Variants in RASGRP4 observed in about 807,000 individuals in gnomAD.
RASGRP4 encodes the protein RAS guanyl-releasing protein 4.
Under a neutral mutation model 84.4 loss-of-function variants are expected in RASGRP4, and 52 were observed. The observed-to-expected ratio is 0.62, with a 90% confidence interval of 0.49 to 0.78. The LOEUF is 0.78. Among genes scored for constraint, RASGRP4 ranks in the 30% least tolerant of loss-of-function variants. The pLI is 0.00. For missense variants in RASGRP4, 760 were observed against 886.9 expected, an observed-to-expected ratio of 0.86 and a Z score of 1.82; for synonymous variants, 356 against 359.1, an observed-to-expected ratio of 0.99 and a Z score of 0.10.
In RASGRP4 at chr19:38,409,230, C is replaced by T. The variant is rs142790326; in HGVS notation, c.*810G>A. ...GCCCTATAGCACATCTATCCTGTGC[C>T]GTGGGCATGGGTAAGGAGACATTCA... On this transcript the variant is annotated 3_prime_UTR_variant, in exon 17 of 17. Transcript: ENST00000615439. 2.4e-3 allele frequency: 443 copies of T among 181,560 alleles called. 3 individuals are homozygous for T. Among genetic ancestry groups the T allele is most frequent in the African/African-American group, 0.01 (422 of 42,192 alleles). The allele number at this position is 181,560 out of a possible 1,614,324, so 11.2% of individuals were successfully genotyped here. A position where few individuals can be genotyped will look rare whatever the true frequency, so the allele number is the denominator to read the frequency against.
chr19:38,412,526 A>T lies in RASGRP4; in HGVS notation c.1680+146T>A. 1.4e-6 allele frequency: 1 copy of T among 735,834 alleles called. No homozygotes were observed. The highest frequency in any genetic ancestry group is 2.2e-6 in the Non-Finnish European group (1 of 459,180). 45.6% of individuals were successfully genotyped at this position (735,834 alleles called of 1,614,324 possible). A position where few individuals can be genotyped will look rare whatever the true frequency, so the allele number is the denominator to read the frequency against. ...GGCATTTGGAGATTATCCAGGATAT[A>T]GGGAATGTCTGGTGTTTAGGGTTTA... On this transcript the variant is annotated intron_variant, in intron 13 of 16. Coordinates refer to ENST00000615439, the MANE Select transcript of RASGRP4 (RefSeq NM_170604.3). The surrounding 1 kb of genome is among the most constrained non-coding windows in gnomAD (Gnocchi z 4.6).
Position 38,412,486 on chromosome 19 carries a change from AT to A in RASGRP4, c.1680+185del. 8.1e-6 allele frequency: 5 copies of A among 620,744 alleles called. 1 individual carries two copies. In the South Asian group the frequency reaches 1.0e-4, roughly 13 times the overall value. 38.5% of individuals were successfully genotyped at this position (620,744 alleles called of 1,614,324 possible). A position where few individuals can be genotyped will look rare whatever the true frequency, so the allele number is the denominator to read the frequency against. On this transcript the variant is annotated intron_variant, in intron 13 of 16. Transcript: ENST00000615439. This position sits in a 1 kb window ranked among gnomAD's most constrained non-coding sequence, Gnocchi z 4.6. ...TTGTCTGGGGTGGACATTATCTGGG[AT>A]TTTGGGATTATCTGGCATTTGGAGA...
At chr19:38,423,668 C>T (rs1220064244) in intron 1 of RASGRP4, among the ~76,000 whole-genome samples, 1 of 151,602 alleles carries the variant, frequency 6.6e-6, no homozygotes, top group Non-Finnish European at 1.5e-5. Context: ...GAAACCCCAT[C>T]TCTATTAAAA....
chr19:38,410,938 C>G lies in RASGRP4; in HGVS notation c.1913G>C (p.Arg638Pro), dbSNP rs117355762. Residue 638 changes from arginine (R) to proline (P), a missense_variant, in exon 16 of 17, where the codon CGC becomes CCC. Transcript: ENST00000615439. ...SLEPETGCQL[R>P]HAWTQTESPH... ...GGATTCAGTCTGGGTCCAGGCATGG[C>G]GAAGCTGGCACCCAGTCTCAGGCTC... 3 of 1,604,844 alleles carry G rather than the reference C, an allele frequency of 1.9e-6. No individual in the cohort carries two copies. Among genetic ancestry groups the G allele is most frequent in the East Asian group, 4.5e-5 (2 of 44,530 alleles).
chr19:38,425,892 T>C lies in RASGRP4; in HGVS notation c.23+177A>G, dbSNP rs79260362. Among the ~76,000 whole-genome samples, 272 of 152,186 alleles carry C rather than the reference T, an allele frequency of 1.8e-3. 5 individuals are homozygous for C. In the East Asian group the frequency reaches 0.034, roughly 19 times the overall value. On this transcript the variant is annotated intron_variant, in intron 1 of 16. Coordinates refer to ENST00000615439, the MANE Select transcript of RASGRP4 (RefSeq NM_170604.3). ...GGGACAACACGGTACAGATGCCACA[T>C]ACAAGCGACTGCAGCCGTAGCTGGC...
rs149533488 is a variant in RASGRP4 at position 38,412,306 on chromosome 19, C to T, written c.1680+366G>A. On this transcript the variant is annotated intron_variant, in intron 13 of 16. Transcript: ENST00000615439. This position sits in a 1 kb window ranked among gnomAD's most constrained non-coding sequence, Gnocchi z 4.6. ...CTAATTTTTGTATTTTTAGTAGAGACGGGGTCTCTCTTGCTATGTTCCCTA... is the reference window on the plus strand; with the variant it reads ...CTAATTTTTGTATTTTTAGTAGAGATGGGGTCTCTCTTGCTATGTTCCCTA... 48 of 195,622 alleles carry T rather than the reference C, an allele frequency of 2.5e-4. No individual in the cohort carries two copies. The East Asian group carries it at 5.1e-3, about 21-fold the overall frequency. 12.1% of individuals were successfully genotyped at this position (195,622 alleles called of 1,614,324 possible).
chr19:38,420,795 G>A (rs1971710919), intron 4 of RASGRP4, 113 bp downstream of exon 4: 2 of 1,070,948 alleles, frequency 1.9e-6, no homozygotes, highest in Non-Finnish European at 1.4e-6. Context: ...TGGCCTGTGG[G>A]GCTGGTTGGG....
intron 6 of RASGRP4, among the ~76,000 whole-genome samples, 188 bp downstream of exon 6, chr19:38,419,672 G>C (rs937057695): frequency 9.2e-5 from 14 of 152,190 alleles, no homozygotes; most frequent in African/African-American, 2.2e-4. Flanking sequence ...GACCTCAGGC[G>C]ATCTGCCTGC....
chr19:38,423,095 C>T (rs956367900), intron 1 of RASGRP4, among the ~76,000 whole-genome samples: 10 of 152,098 alleles, frequency 6.6e-5, no homozygotes, highest in African/African-American at 1.4e-4. Flanking sequence ...ACCAGGGACT[C>T]GGGAGAAGAC....
chr19:38,414,253 C>T (rs1183363417), intron 9 of RASGRP4, among the ~76,000 whole-genome samples: 3 of 151,294 alleles, frequency 2.0e-5, no homozygotes, highest in Admixed American at 6.6e-5. Context: ...ATTCTTTGAA[C>T]GATGTCATTG....
In RASGRP4 at chr19:38,413,649, A is replaced by G. The variant is rs1169827004; in HGVS notation, c.1231-175T>C. ...GGGCCTCAGTTTCCCAATCTACAGA[A>G]TGGGCACAGTAAGGGTCCCGACCTC... On this transcript the variant is annotated intron_variant, in intron 9 of 16. Transcript: ENST00000615439. This position sits in a 1 kb window ranked among gnomAD's most constrained non-coding sequence, Gnocchi z 4.7. Among the ~76,000 whole-genome samples, 2 of 152,100 alleles carry G rather than the reference A, an allele frequency of 1.3e-5. No individual in the cohort carries two copies. The highest frequency in any genetic ancestry group is 4.8e-5 in the African/African-American group (2 of 41,400).
intron 8 of RASGRP4, 136 bp from the exon 9 acceptor site, chr19:38,415,259 G>A (rs887081198): frequency 1.8e-5 from 13 of 731,896 alleles, no homozygotes; most frequent in Non-Finnish European, 2.4e-5. Flanking sequence ...ATCCCATGCC[G>A]GTCTCAGCAT....
Position 38,412,889 on chromosome 19 carries a change from G to A in RASGRP4, c.1535+42C>T, listed in dbSNP as rs771312059. On this transcript the variant is annotated intron_variant, in intron 12 of 16. Coordinates refer to ENST00000615439, the MANE Select transcript of RASGRP4 (RefSeq NM_170604.3). This position sits in a 1 kb window ranked among gnomAD's most constrained non-coding sequence, Gnocchi z 4.6. ...AGACCCAGGAGTCCAGGCAACCCCA[G>A]TGTCCTCATCTTCGGAGGATCCAGG... 5 of 1,613,402 alleles carry A rather than the reference G, an allele frequency of 3.1e-6. No homozygotes were observed. Among genetic ancestry groups the A allele is most frequent in the Non-Finnish European group, 3.4e-6 (4 of 1,179,488 alleles).
chr19:38,417,487 G>C lies in RASGRP4; in HGVS notation c.838-319C>G, dbSNP rs1387816175. ...GACAGGTGTGTGTCAGGTGGAGGAGGCTTCAGACATGTCAGGGTGTCAGCC... is the reference window on the plus strand; with the variant it reads ...GACAGGTGTGTGTCAGGTGGAGGAGCCTTCAGACATGTCAGGGTGTCAGCC... On this transcript the variant is annotated intron_variant, in intron 7 of 16. Transcript: ENST00000615439. This position sits in a 1 kb window ranked among gnomAD's most constrained non-coding sequence, Gnocchi z 5.1. 6.6e-6 allele frequency among the ~76,000 whole-genome samples: 1 copy of C among 152,178 alleles called. No homozygotes were observed. Among genetic ancestry groups the C allele is most frequent in the Non-Finnish European group, 1.5e-5 (1 of 68,032 alleles).
Position 38,413,875 on chromosome 19 carries a change from A to T in RASGRP4, c.1231-401T>A, listed in dbSNP as rs142148516. On this transcript the variant is annotated intron_variant, in intron 9 of 16. Coordinates refer to ENST00000615439, the MANE Select transcript of RASGRP4 (RefSeq NM_170604.3). The surrounding 1 kb of genome is among the most constrained non-coding windows in gnomAD (Gnocchi z 4.7). ...GATCAATGGATACTTGAGTCATTGG[A>T]GGAAGTGGGGAAAAAACATGTTACT... Among the ~76,000 whole-genome samples the T allele has an allele frequency of 6.6e-6, 1 of 152,288 alleles. No homozygotes were observed. The highest frequency in any genetic ancestry group is 1.9e-4 in the East Asian group (1 of 5,188).
rs758058477 is a variant in RASGRP4, at chr19:38,410,939, G to A, written c.1912C>T (p.Arg638Cys). 4.1e-5 allele frequency: 66 copies of A among 1,604,858 alleles called. No individual in the cohort carries two copies. Among genetic ancestry groups the A allele is most frequent in the African/African-American group, 1.9e-4 (14 of 74,778 alleles). ...GATTCAGTCTGGGTCCAGGCATGGC[G>A]AAGCTGGCACCCAGTCTCAGGCTCC... ...SLEPETGCQL[R>C]HAWTQTESPH... is the part of the protein sequence containing the mutation. Residue 638 changes from arginine to cysteine, a missense_variant, in exon 16 of 17, where the codon CGC becomes TGC. Arg to Cys is a radical substitution (Grantham distance 180). Transcript: ENST00000615439.
intron 16 of RASGRP4, among the ~76,000 whole-genome samples, 190 bp downstream of exon 16, chr19:38,410,696 G>A (rs963064606): frequency 8.5e-5 from 13 of 152,096 alleles, no homozygotes; most frequent in African/African-American, 3.1e-4. Flanking sequence ...TTACAAGCAT[G>A]AGCCACCACA....
chr19:38,418,611 G>A lies in RASGRP4; in HGVS notation c.664-47C>T. 6 of 1,444,626 alleles carry A rather than the reference G, an allele frequency of 4.2e-6. No homozygotes were observed. Among genetic ancestry groups the A allele is most frequent in the Non-Finnish European group, 5.5e-6 (6 of 1,092,728 alleles). The allele number at this position is 1,444,626 out of a possible 1,614,324, so 89.5% of individuals were successfully genotyped here. On this transcript the variant is annotated intron_variant, in intron 6 of 16. Transcript: ENST00000615439. The surrounding 1 kb of genome is among the most constrained non-coding windows in gnomAD (Gnocchi z 4.6). ...AGGTGGGCCGTGGCGCTCAGGCCCTGCCCTTCCATGGCATCCAACTAGCAG... is the reference window on the plus strand; with the variant it reads ...AGGTGGGCCGTGGCGCTCAGGCCCTACCCTTCCATGGCATCCAACTAGCAG...
In RASGRP4 at chr19:38,412,593, T is replaced by G; in HGVS notation, c.1680+79A>C. 1 of 1,364,504 alleles carries G rather than the reference T, an allele frequency of 7.3e-7. No individual in the cohort carries two copies. The highest frequency in any genetic ancestry group is 1.3e-5 in the South Asian group (1 of 74,328). 84.5% of individuals were successfully genotyped at this position (1,364,504 alleles called of 1,614,324 possible). A position where few individuals can be genotyped will look rare whatever the true frequency, so the allele number is the denominator to read the frequency against. ...TTGAAGCTGGAGGATTTCTGGAATTTGGGGGTTATCTGGGGTTTGCGGACT... is the reference window on the plus strand; with the variant it reads ...TTGAAGCTGGAGGATTTCTGGAATTGGGGGGTTATCTGGGGTTTGCGGACT... On this transcript the variant is annotated intron_variant, in intron 13 of 16. Transcript: ENST00000615439. The surrounding 1 kb of genome is among the most constrained non-coding windows in gnomAD (Gnocchi z 4.6).
Sources: gnomAD v4.1 joint callset for allele counts (sites outside exome capture counted in the v4.1 genomes callset) on GRCh38, gnomAD v4.1.1 for gene constraint, Gnocchi (gnomAD v3.1) non-coding constraint, MANE v1.5 for transcripts, NCBI Gene and HGNC (gene_info 2026-07-23, HGNC 2026-07-21) for gene names.